KMT5A: variants seen among roughly 807,000 people sequenced by gnomAD.
The protein encoded by KMT5A is N-lysine methyltransferase KMT5A.
KMT5A carries 6 observed loss-of-function variants against 40.6 expected under a neutral mutation model. The observed-to-expected ratio is 0.15, with a 90% CI of 0.08 to 0.29. The LOEUF (loss-of-function observed/expected upper bound fraction) is 0.29, where lower values mean the gene tolerates loss of function less well. Ranked by LOEUF, KMT5A falls within the 10% of genes least tolerant of loss-of-function variation. The probability of loss-of-function intolerance (pLI) is 1.00; values close to 1 mark genes in which losing one functional copy is unlikely to be tolerated. For missense variants in KMT5A, 308 were observed against 459.1 expected, an observed-to-expected ratio of 0.67 and a Z score of 3.01; for synonymous variants, 153 against 178.8, an observed-to-expected ratio of 0.86 and a Z score of 1.15.
At chr12:123,395,523 A>G (rs1877649832) in intron 4 of KMT5A, among the ~76,000 whole-genome samples, 1 of 19,826 alleles carries the variant, frequency 5.0e-5, no homozygotes, top group Non-Finnish European at 1.2e-4. Flanking sequence ...TGTTTTTTAA[A>G]TTTATTTTTT....
rs527635134 is a variant in KMT5A, at chr12:123,385,809, G to A, written c.10+1601G>A. ...GGAGCTTGCAGTGAGCCGAGATTAC[G>A]TCACCGCACTCCAGCATGGGCAACA... On this transcript the variant is annotated intron_variant, in intron 1 of 7. Coordinates refer to ENST00000402868, the MANE Select transcript of KMT5A (RefSeq NM_020382.7). Among the ~76,000 whole-genome samples, 11 of 152,178 alleles carry A rather than the reference G, an allele frequency of 7.2e-5. No individual in the cohort carries two copies. The East Asian group carries it at 9.6e-4, about 13-fold the overall frequency.
chr12:123,400,793 G>A lies in KMT5A; in HGVS notation c.598-2780G>A, dbSNP rs1025674945. Among the ~76,000 whole-genome samples, 33 of 152,030 alleles carry A rather than the reference G, an allele frequency of 2.2e-4. 2 individuals carry two copies. The highest frequency in any genetic ancestry group is 5.9e-5 in the Non-Finnish European group (4 of 68,010). On this transcript the variant is annotated intron_variant, in intron 5 of 7. Coordinates refer to ENST00000402868, the MANE Select transcript of KMT5A (RefSeq NM_020382.7). ...TAACAACCAACATTGGTATATTACT[G>A]TTGGTTGAAGTTTTTTTTTTGTTTT... is the stretch of plus-strand genomic sequence containing the variant.
At chr12:123,399,885 G>A (rs1399110796) in intron 5 of KMT5A, among the ~76,000 whole-genome samples, 2 of 152,010 alleles carry the variant, frequency 1.3e-5, no homozygotes, top group Non-Finnish European at 2.9e-5. Context: ...GTGCAATGGC[G>A]CGATCTTGGC....
intron 5 of KMT5A, among the ~76,000 whole-genome samples, chr12:123,400,593 T>C (rs575408253): frequency 3.9e-4 from 59 of 152,016 alleles, no homozygotes; most frequent in Middle Eastern, 3.4e-3. Flanking sequence ...ACTCCTGACC[T>C]TGTGATCCGC....
At chr12:123,385,176 AT>A (rs1490729814) in intron 1 of KMT5A, among the ~76,000 whole-genome samples, 1 of 152,172 alleles carries the variant, frequency 6.6e-6, no homozygotes, top group East Asian at 1.9e-4. Flanking sequence ...GTAAATATCT[AT>A]TGGGTCCCTT....
At chr12:123,406,252 T>C (rs543528112) in intron 7 of KMT5A, among the ~76,000 whole-genome samples, 1 of 152,354 alleles carries the variant, frequency 6.6e-6, no homozygotes, top group Non-Finnish European at 1.5e-5. Context: ...CCAGAGCAGC[T>C]CTGGAAATCA....
intron 3 of KMT5A, among the ~76,000 whole-genome samples, chr12:123,392,189 C>G (rs564590553): frequency 2.0e-3 from 303 of 152,296 alleles, no homozygotes; most frequent in African/African-American, 6.9e-3. Flanking sequence ...ATCCCTGGAC[C>G]TGTGGCACTT....
chr12:123,406,347 T>C (rs1878552457), intron 7 of KMT5A, among the ~76,000 whole-genome samples: 1 of 152,142 alleles, frequency 6.6e-6, no homozygotes, highest in Non-Finnish European at 1.5e-5. Context: ...GGAGTTTCAC[T>C]CTTGTTGTCC....
At chr12:123,405,821 CTT>C (rs568203599) in intron 7 of KMT5A, among the ~76,000 whole-genome samples, 3 of 142,510 alleles carry the variant, frequency 2.1e-5, no homozygotes, top group Non-Finnish European at 3.1e-5. Flanking sequence ...CCCAGCTTCC[CTT>C]TTTTTTTTTC....
intron 2 of KMT5A, chr12:123,390,200 G>A (rs1195520160): frequency 6.6e-6 from 3 of 456,952 alleles, no homozygotes; most frequent in Non-Finnish European, 1.3e-5. Context: ...AGGCCCTCCA[G>A]CCGCCCTCAG....
At chr12:123,385,642 G>A (rs1169413262) in intron 1 of KMT5A, among the ~76,000 whole-genome samples, 3 of 152,054 alleles carry the variant, frequency 2.0e-5, no homozygotes, top group East Asian at 1.9e-4. Context: ...ACCTGAGGTC[G>A]GGAGTTCGAG....
In KMT5A at chr12:123,408,490, A is replaced by G. The variant is rs1035490110; in HGVS notation, c.*787A>G. ...TTTTAAAAAATAATAATAAAAATTT[A>G]AAAAAATTAAAAATAAAAAAAACCA... On this transcript the variant is annotated 3_prime_UTR_variant, in exon 8 of 8. Transcript: ENST00000402868. 1 of 148,116 alleles carries G rather than the reference A, an allele frequency of 6.8e-6. No homozygotes were observed. Among genetic ancestry groups the G allele is most frequent in the African/African-American group, 2.6e-5 (1 of 38,342 alleles). 9.2% of individuals were successfully genotyped at this position (148,116 alleles called of 1,614,324 possible).
At position 123,399,190 on chromosome 12, in the gene KMT5A, G is replaced by C; in HGVS notation, c.597+2758G>C. On this transcript the variant is annotated intron_variant, in intron 5 of 7. Coordinates refer to ENST00000402868, the MANE Select transcript of KMT5A (RefSeq NM_020382.7). ...CCAGCTCGGCCCCAGGGCCAGATGT[G>C]CAAGCAGCCTGCTGATTCCGCTTGG... Among the ~76,000 whole-genome samples, 2 of 152,272 alleles carry C rather than the reference G, an allele frequency of 1.3e-5. 1 individual carries two copies. The highest frequency in any genetic ancestry group is 3.8e-4 in the East Asian group (2 of 5,204).
Position 123,407,790 on chromosome 12 carries a change from C to G in KMT5A, c.*87C>G. On this transcript the variant is annotated 3_prime_UTR_variant, in exon 8 of 8. Coordinates refer to ENST00000402868, the MANE Select transcript of KMT5A (RefSeq NM_020382.7). ...AAGGGAATTGAATTTTTTTTTTACA[C>G]ACTTAATCTTAGCGGATTACTTCAG... is the stretch of plus-strand genomic sequence containing the variant. 1.2e-6 allele frequency: 1 copy of G among 841,236 alleles called. No homozygotes were observed. The highest frequency in any genetic ancestry group is 1.9e-6 in the Non-Finnish European group (1 of 526,402). 52.1% of individuals were successfully genotyped at this position (841,236 alleles called of 1,614,324 possible). A position where few individuals can be genotyped will look rare whatever the true frequency, so the allele number is the denominator to read the frequency against.
chr12:123,400,802 AG>A (rs1415833002), intron 5 of KMT5A, among the ~76,000 whole-genome samples: 1 of 151,904 alleles, frequency 6.6e-6, no homozygotes, highest in Non-Finnish European at 1.5e-5. Context: ...TGTTGGTTGA[AG>A]TTTTTTTTTT....
At chr12:123,396,917 C>T (rs989871090) in intron 5 of KMT5A, among the ~76,000 whole-genome samples, 3 of 152,208 alleles carry the variant, frequency 2.0e-5, no homozygotes, top group African/African-American at 7.2e-5. Context: ...CTTGGCTCTC[C>T]AGTCTGTAAA....
chr12:123,386,733 C>T (rs948882154), intron 1 of KMT5A, among the ~76,000 whole-genome samples: 2 of 152,114 alleles, frequency 1.3e-5, no homozygotes, highest in African/African-American at 4.8e-5. Flanking sequence ...GGGGTCAGTC[C>T]ACCTACCTTT....
Position 123,389,502 on chromosome 12 carries a change from C to T in KMT5A, c.80C>T (p.Pro27Leu). 1 of 1,127,332 alleles carries T rather than the reference C, an allele frequency of 8.9e-7. No individual in the cohort carries two copies. The highest frequency in any genetic ancestry group is 1.1e-6 in the Non-Finnish European group (1 of 926,226). The allele number at this position is 1,127,332 out of a possible 1,614,324, so 69.8% of individuals were successfully genotyped here. The stretch of plus-strand genomic sequence containing the variant: ...GCGGCGGCGGTGGCAGCGACGGCCC[C>T]GGGCCCGGAGATGGTGGAGCGGAGG... The part of the protein sequence containing the change: ...AAAAAVAATA[P>L]GPEMVERRGP... Residue 27 changes from proline (P) to leucine (L), a missense_variant, in exon 2 of 8, where the codon CCG (proline) becomes CTG (leucine). Around this residue, in one of 4 missense-constraint regions of KMT5A, gnomAD observed 92 missense variants for 78.3 expected, o/e 1.18. Coordinates refer to ENST00000402868, the MANE Select transcript of KMT5A (RefSeq NM_020382.7).
chr12:123,403,050 A>G (rs1878295943), intron 5 of KMT5A, among the ~76,000 whole-genome samples: 1 of 152,210 alleles, frequency 6.6e-6, no homozygotes, highest in South Asian at 2.1e-4. Context: ...CTGGGACTAC[A>G]GGCTCCTACC....
Sources: gnomAD v4.1 joint callset for allele counts (sites outside exome capture counted in the v4.1 genomes callset) on GRCh38, gnomAD v4.1.1 for gene constraint, gnomAD v4.1.1 regional missense constraint, MANE v1.5 for transcripts, NCBI Gene and HGNC (gene_info 2026-07-23, HGNC 2026-07-21) for gene names.